Variants in SDC2 observed in about 807,000 individuals in gnomAD.
SDC2 encodes syndecan-2.
A neutral mutation model predicts 22.2 loss-of-function variants in SDC2; 13 were observed. That is an observed-to-expected ratio of 0.59 (90% CI 0.38 to 0.93). The LOEUF (loss-of-function observed/expected upper bound fraction) is 0.93, where lower values mean the gene tolerates loss of function less well. Among genes scored for constraint, SDC2 ranks in the 40% least tolerant of loss-of-function variants. The pLI is 0.00. For missense variants in SDC2, 235 were observed against 246.8 expected (o/e 0.95, Z 0.32); for synonymous variants, 94 against 92.8 (o/e 1.01, Z -0.07).
intron 1 of SDC2, among the ~76,000 whole-genome samples, chr8:96,527,548 C>G (rs1422157458): frequency 1.3e-5 from 2 of 152,168 alleles, no homozygotes; most frequent in Non-Finnish European, 2.9e-5. Context: ...GTGATCTGGT[C>G]CTGCGTGCTC....
intron 1 of SDC2, among the ~76,000 whole-genome samples, chr8:96,589,070 G>T (rs892392834): frequency 6.6e-6 from 1 of 152,172 alleles, no homozygotes; most frequent in Non-Finnish European, 1.5e-5. Flanking sequence ...TTTGTGTATT[G>T]AATTAACACT....
intron 1 of SDC2, among the ~76,000 whole-genome samples, chr8:96,570,727 T>C (rs1327875044): frequency 6.6e-6 from 1 of 152,200 alleles, no homozygotes; most frequent in African/African-American, 2.4e-5. Context: ...ATATAAAATA[T>C]CTCAATAATT....
At chr8:96,579,468 T>C (rs775419549) in intron 1 of SDC2, among the ~76,000 whole-genome samples, 12 of 152,376 alleles carry the variant, frequency 7.9e-5, no homozygotes, top group Non-Finnish European at 1.0e-4. Context: ...CCATAATTCC[T>C]GTGAAAAGAC....
rs4058341 is a variant in SDC2, at chr8:96,540,340, G to GTGTA, written c.60+46010_60+46011insGTAT. Reference sequence around the variant, plus strand: ...AACCCTGTCTCTACTATATATATGTGTATATATATATATATAAAAATTAGT... The same window carrying GTGTA: ...AACCCTGTCTCTACTATATATATGTGTGTATATATATATATATATAAAAATTAGT... On this transcript the variant is annotated intron_variant, in intron 1 of 4. Transcript: ENST00000302190. 4.5e-4 allele frequency among the ~76,000 whole-genome samples: 56 copies of GTGTA among 123,686 alleles called. No homozygotes were observed. In the East Asian group the frequency reaches 5.6e-3, roughly 12 times the overall value. The allele number at this position is 123,686 out of a possible 152,430, so 81.1% of individuals were successfully genotyped here. A position where few individuals can be genotyped will look rare whatever the true frequency, so the allele number is the denominator to read the frequency against.
intron 1 of SDC2, among the ~76,000 whole-genome samples, chr8:96,541,064 G>A (rs373020192): frequency 6.6e-6 from 1 of 151,674 alleles, no homozygotes; most frequent in South Asian, 2.1e-4. Flanking sequence ...TGATTAAAAG[G>A]TATTATAGAT....
At chr8:96,579,673 T>C (rs748173781) in intron 1 of SDC2, among the ~76,000 whole-genome samples, 13 of 152,224 alleles carry the variant, frequency 8.5e-5, no homozygotes, top group Non-Finnish European at 1.9e-4. Context: ...CTTTAAGCTA[T>C]TGTCATCTGC....
At chr8:96,573,367 T>C (rs1214158566) in intron 1 of SDC2, among the ~76,000 whole-genome samples, 1 of 2,762 alleles carries the variant, frequency 3.6e-4, no homozygotes, top group East Asian at 2.0e-3. Context: ...CTGGGTGCTG[T>C]GCTTACACTT....
intron 1 of SDC2, among the ~76,000 whole-genome samples, chr8:96,583,707 GTGTGTGTGTGTATA>G (rs1054018382): frequency 3.8e-5 from 5 of 131,928 alleles, no homozygotes; most frequent in South Asian, 2.8e-4. Context: ...GTGTGTGTGT[GTGTGTGTGTGTATA>G]TATATATATG....
At position 96,610,176 on chromosome 8, in the gene SDC2, A is replaced by G. The variant is rs1159328723; in HGVS notation, c.*628A>G. ...ACCTGTAGCTTTGGGCAGATTTGCA[A>G]CAGCAAATTAATGTGTAAAATTGGA... On this transcript the variant is annotated 3_prime_UTR_variant, in exon 5 of 5. Coordinates refer to ENST00000302190, the MANE Select transcript of SDC2 (RefSeq NM_002998.4). 1 of 152,650 alleles carries G rather than the reference A, an allele frequency of 6.6e-6. No individual in the cohort carries two copies. The highest frequency in any genetic ancestry group is 1.5e-5 in the Non-Finnish European group (1 of 68,042). The allele number at this position is 152,650 out of a possible 1,614,324, so 9.5% of individuals were successfully genotyped here.
At chr8:96,608,199 A>C in intron 3 of SDC2, 136 bp from the exon 4 acceptor site, 1 of 751,810 alleles carries the variant, frequency 1.3e-6, no homozygotes, top group South Asian at 1.9e-5. Flanking sequence ...TAAACATCAC[A>C]CAAGTGATTA....
chr8:96,530,827 C>A (rs570903284), intron 1 of SDC2, among the ~76,000 whole-genome samples: 1 of 152,296 alleles, frequency 6.6e-6, no homozygotes, highest in East Asian at 1.9e-4. Flanking sequence ...TAACAGTTGG[C>A]CATGGGCAGT....
rs35452131 is a variant in SDC2 at position 96,532,412 on chromosome 8, GTTTTTTTTTTTTT to G, written c.60+38092_60+38104del. On this transcript the variant is annotated intron_variant, in intron 1 of 4. Transcript: ENST00000302190. ...CCTGAGTCTCTCTGCTTATTGAGGCGTTTTTTTTTTTTTTTTTTTTTTTGGTAGGGCTTTGTTT... is the reference window on the plus strand; with the variant it reads ...CCTGAGTCTCTCTGCTTATTGAGGCGTTTTTTTTTTGGTAGGGCTTTGTTT... Among the ~76,000 whole-genome samples, 4 of 47,946 alleles carry G rather than the reference GTTTTTTTTTTTTT, an allele frequency of 8.3e-5. No individual in the cohort carries two copies. The Admixed American group carries it at 1.3e-3, about 15-fold the overall frequency. The allele number at this position is 47,946 out of a possible 152,430, so 31.5% of individuals were successfully genotyped here.
intron 1 of SDC2, among the ~76,000 whole-genome samples, chr8:96,513,933 T>G (rs1464094565): frequency 6.6e-6 from 1 of 152,198 alleles, no homozygotes; most frequent in African/African-American, 2.4e-5. Flanking sequence ...GGAGAGTCGC[T>G]GACCTTTATA....
chr8:96,556,452 C>G (rs1475862069), intron 1 of SDC2, among the ~76,000 whole-genome samples: 1 of 151,948 alleles, frequency 6.6e-6, no homozygotes, highest in Admixed American at 6.6e-5. Context: ...CAGAACAGAG[C>G]CCTCAGAAAT....
chr8:96,512,967 C>T (rs1417106275), intron 1 of SDC2, among the ~76,000 whole-genome samples: 1 of 151,868 alleles, frequency 6.6e-6, no homozygotes, highest in African/African-American at 2.4e-5. Flanking sequence ...GTCTCCTTCT[C>T]AAGGTTTTGT....
intron 4 of SDC2, 67 bp from the exon 5 acceptor site, chr8:96,609,318 G>T (rs941726523): frequency 2.3e-6 from 3 of 1,302,412 alleles, no homozygotes; most frequent in Middle Eastern, 1.9e-4. Context: ...GATTAGGCTT[G>T]ACAATAAAGC....
intron 2 of SDC2, among the ~76,000 whole-genome samples, chr8:96,599,493 C>T (rs1814940683): frequency 6.6e-6 from 1 of 151,858 alleles, no homozygotes; most frequent in African/African-American, 2.4e-5. Context: ...ATTAGGTCAC[C>T]TGATAAAACA....
chr8:96,541,141 A>C (rs1476049557), intron 1 of SDC2, among the ~76,000 whole-genome samples: 2 of 152,292 alleles, frequency 1.3e-5, no homozygotes, highest in Middle Eastern at 3.4e-3. Context: ...TTAAAGAAGG[A>C]AATTGTAGAC....
chr8:96,513,623 C>T (rs1428472681), intron 1 of SDC2, among the ~76,000 whole-genome samples: 1 of 152,134 alleles, frequency 6.6e-6, no homozygotes, highest in Non-Finnish European at 1.5e-5. Context: ...ATTTTAAAAA[C>T]GACAAAAACA....
Sources: gnomAD v4.1 joint callset for allele counts (sites outside exome capture counted in the v4.1 genomes callset) on GRCh38, gnomAD v4.1.1 for gene constraint, MANE v1.5 for transcripts, NCBI Gene and HGNC (gene_info 2026-07-23, HGNC 2026-07-21) for gene names.